Variants in PDLIM5 observed in about 807,000 individuals in gnomAD.
PDLIM5 encodes PDZ and LIM domain protein 5.
Under a neutral mutation model 64.2 loss-of-function variants are expected in PDLIM5, and 34 were observed. That is an observed-to-expected ratio of 0.53 (90% CI 0.40 to 0.71). The LOEUF is 0.71. Among genes scored for constraint, PDLIM5 ranks in the 30% least tolerant of loss-of-function variants. PDLIM5 has a pLI of 0.00. For missense variants in PDLIM5, 683 were observed against 733.6 expected (o/e 0.93, Z 0.80); for synonymous variants, 253 against 269.1 (o/e 0.94, Z 0.59).
intron 8 of PDLIM5, among the ~76,000 whole-genome samples, chr4:94,625,757 T>G (rs993611426): frequency 6.6e-6 from 1 of 152,162 alleles, no homozygotes; most frequent in Non-Finnish European, 1.5e-5. Context: ...CCGGCCAATA[T>G]TAGACATTCT....
At position 94,575,857 on chromosome 4, in the gene PDLIM5, G is replaced by C. The variant is rs747518384; in HGVS notation, c.533G>C (p.Gly178Ala). ...AVTPPLFAASGLHANANLSAD... is the reference protein window; with the variant it reads ...AVTPPLFAASALHANANLSAD... ...ACTCCTCCCCTGTTCGCTGCATCTG[G>C]ACTGCATGCTAATGCCAATCTTAGT... The change falls in exon 5 of 13, where the codon GGA (glycine) becomes GCA (alanine). Residue 178 changes from glycine (G) to alanine (A), a missense_variant. Coordinates refer to ENST00000317968, the MANE Select transcript of PDLIM5 (RefSeq NM_006457.5). 1 of 1,614,108 alleles carries C rather than the reference G, an allele frequency of 6.2e-7. No homozygotes were observed. Among genetic ancestry groups the C allele is most frequent in the South Asian group, 1.1e-5 (1 of 91,076 alleles).
chr4:94,609,588 C>T (rs562416942), intron 7 of PDLIM5, among the ~76,000 whole-genome samples: 20 of 152,248 alleles, frequency 1.3e-4, no homozygotes, highest in Admixed American at 1.2e-3. Flanking sequence ...GGTACTTTCC[C>T]TCCTTACATA....
intron 3 of PDLIM5, among the ~76,000 whole-genome samples, chr4:94,546,751 AT>A (rs1401585180): frequency 2.0e-5 from 3 of 152,090 alleles, no homozygotes; most frequent in African/African-American, 7.2e-5. Context: ...GGGATATTAA[AT>A]TTTTTAACGT....
rs1270594605 is a variant in PDLIM5 at position 94,665,233 on chromosome 4, C to G, written c.*1166C>G. On this transcript the variant is annotated 3_prime_UTR_variant, in exon 13 of 13. Coordinates refer to ENST00000317968, the MANE Select transcript of PDLIM5 (RefSeq NM_006457.5). ...GTGTGGTGGCTCACGCCTGTGATCC[C>G]AGCACTTTGGGAGGCCAAGACGGGC... 26 of 688,226 alleles carry G rather than the reference C, an allele frequency of 3.8e-5. No individual in the cohort carries two copies. The Admixed American group carries it at 4.4e-4, about 12-fold the overall frequency. The allele number at this position is 688,226 out of a possible 1,614,324, so 42.6% of individuals were successfully genotyped here.
chr4:94,641,508 A>G (rs1199187418), intron 9 of PDLIM5, among the ~76,000 whole-genome samples: 2 of 152,150 alleles, frequency 1.3e-5, no homozygotes, highest in Non-Finnish European at 2.9e-5. Context: ...GTTTGTTTTA[A>G]AGGTAGTCAA....
At chr4:94,573,019 A>G (rs1228215481) in intron 3 of PDLIM5, among the ~76,000 whole-genome samples, 1 of 152,186 alleles carries the variant, frequency 6.6e-6, no homozygotes, top group African/African-American at 2.4e-5. Flanking sequence ...TGTTTATTAT[A>G]CTTTACCCTT....
At chr4:94,467,217 G>C (rs1278530174) in intron 2 of PDLIM5, among the ~76,000 whole-genome samples, 3 of 152,170 alleles carry the variant, frequency 2.0e-5, no homozygotes, top group Non-Finnish European at 4.4e-5. Context: ...AATGATCACA[G>C]TGGTAATAGA....
intron 4 of PDLIM5, among the ~76,000 whole-genome samples, chr4:94,575,080 G>GT (rs1735139647): frequency 6.8e-6 from 1 of 147,118 alleles, no homozygotes. Flanking sequence ...TATTCCCTGT[G>GT]TTTTTTGTTT....
chr4:94,649,960 A>G (rs552587182), intron 9 of PDLIM5, among the ~76,000 whole-genome samples: 1 of 152,248 alleles, frequency 6.6e-6, no homozygotes, highest in Non-Finnish European at 1.5e-5. Context: ...ATATAAAACT[A>G]TAGGTGGCCT....
intron 3 of PDLIM5, among the ~76,000 whole-genome samples, chr4:94,560,417 C>A (rs1326616902): frequency 6.6e-6 from 1 of 152,176 alleles, no homozygotes; most frequent in Non-Finnish European, 1.5e-5. Flanking sequence ...TTCCCATACT[C>A]TCCCATTATT....
chr4:94,575,499 A>T, intron 4 of PDLIM5, 117 bp from the exon 5 acceptor site: 1 of 687,890 alleles, frequency 1.5e-6, no homozygotes, highest in Non-Finnish European at 2.5e-6. Flanking sequence ...ATGATGTTTG[A>T]GCTGCTAACC....
Position 94,664,522 on chromosome 4 carries a change from G to A in PDLIM5, c.*455G>A. 1 of 726,140 alleles carries A rather than the reference G, an allele frequency of 1.4e-6. No individual in the cohort carries two copies. 45.0% of individuals were successfully genotyped at this position (726,140 alleles called of 1,614,324 possible). A position where few individuals can be genotyped will look rare whatever the true frequency, so the allele number is the denominator to read the frequency against. Reference sequence around the variant, plus strand: ...AAAACTAATACTTATCTTTAAAATAGTAAATAGGATTTTAAACAGAGAATT... The same window carrying A: ...AAAACTAATACTTATCTTTAAAATAATAAATAGGATTTTAAACAGAGAATT... On this transcript the variant is annotated 3_prime_UTR_variant, in exon 13 of 13. Transcript: ENST00000317968.
intron 1 of PDLIM5, among the ~76,000 whole-genome samples, chr4:94,454,406 A>G (rs1330596501): frequency 6.6e-6 from 1 of 152,026 alleles, no homozygotes; most frequent in Non-Finnish European, 1.5e-5. Context: ...TAACAGCAGA[A>G]CAGACAAAAG....
At chr4:94,611,977 G>A (rs1738399962) in intron 7 of PDLIM5, among the ~76,000 whole-genome samples, 1 of 152,124 alleles carries the variant, frequency 6.6e-6, no homozygotes, top group South Asian at 2.1e-4. Context: ...CAGCATTTTG[G>A]GAGGCCAAGG....
chr4:94,631,843 A>G (rs774552063), intron 8 of PDLIM5, among the ~76,000 whole-genome samples: 18 of 152,186 alleles, frequency 1.2e-4, no homozygotes, highest in Non-Finnish European at 2.2e-4. Context: ...CTTTCCGCCT[A>G]AGGAGCTCTT....
intron 2 of PDLIM5, among the ~76,000 whole-genome samples, chr4:94,471,428 G>A (rs1724860780): frequency 6.6e-6 from 1 of 151,458 alleles, no homozygotes; most frequent in African/African-American, 2.4e-5. Context: ...ATTATATAGT[G>A]ATGAATAGTC....
At chr4:94,508,001 G>A (rs1728538684) in intron 2 of PDLIM5, among the ~76,000 whole-genome samples, 4 of 152,158 alleles carry the variant, frequency 2.6e-5, no homozygotes, top group Admixed American at 2.6e-4. Flanking sequence ...CCTGCCCTCT[G>A]CCAATCTCAG....
At chr4:94,646,265 A>G (rs1306521528) in intron 9 of PDLIM5, among the ~76,000 whole-genome samples, 1 of 152,220 alleles carries the variant, frequency 6.6e-6, no homozygotes, top group Admixed American at 6.5e-5. Context: ...TTAAAGAGGT[A>G]AAATGAGGTC....
intron 8 of PDLIM5, among the ~76,000 whole-genome samples, chr4:94,621,117 G>A (rs1739206938): frequency 6.9e-6 from 1 of 145,622 alleles, no homozygotes; most frequent in African/African-American, 2.5e-5. Context: ...TATTTCTATT[G>A]TGTTGGAAAG....
Sources: allele counts gnomAD v4.1 joint callset (sites outside exome capture counted in the v4.1 genomes callset), GRCh38; gene constraint gnomAD v4.1.1; transcripts MANE v1.5; gene names NCBI Gene and HGNC (gene_info 2026-07-23, HGNC 2026-07-21).